The following PRH1 variants were observed in gnomAD, a reference collection of about 807,000 sequenced individuals.
PRH1 encodes proline rich protein HaeIII subfamily 1.
Under a neutral mutation model 7.9 loss-of-function variants are expected in PRH1, and 7 were observed. The observed-to-expected ratio is 0.89, with a 90% CI of 0.50 to 1.67. The LOEUF (loss-of-function observed/expected upper bound fraction) is 1.67, where lower values mean the gene tolerates loss of function less well. Among genes scored for constraint, PRH1 ranks in the 40% most tolerant of loss-of-function variants. The pLI, the probability that PRH1 is intolerant of heterozygous loss-of-function variation, is 0.00. For synonymous variants in PRH1, 45 were observed against 80.8 expected, an observed-to-expected ratio of 0.56 and a Z score of 2.38; for missense variants, 109 against 223.6, an observed-to-expected ratio of 0.49 and a Z score of 3.27.
intron 1 of PRH1, among the ~76,000 whole-genome samples, chr12:10,978,937 A>C (rs977038826): frequency 2.6e-5 from 4 of 151,800 alleles, no homozygotes; most frequent in Admixed American, 1.3e-4. Context: ...ACAAAAACAG[A>C]CTCTGTCAAG....
At chr12:11,109,667 T>G (rs563846121) in intron 1 of PRH1, among the ~76,000 whole-genome samples, 1 of 151,988 alleles carries the variant, frequency 6.6e-6, no homozygotes, top group East Asian at 1.9e-4. Context: ...CATCTGAAGA[T>G]CACCAACATC....
At chr12:10,916,178 C>CTTT (rs1274263706) in intron 2 of PRH1, among the ~76,000 whole-genome samples, 34 of 152,260 alleles carry the variant, frequency 2.2e-4, no homozygotes, top group African/African-American at 7.9e-4. Flanking sequence ...ACCATCAGAT[C>CTTT]TCATGAGAAT....
intron 2 of PRH1, among the ~76,000 whole-genome samples, chr12:10,890,148 G>A (rs1049858868): frequency 1.4e-4 from 21 of 152,112 alleles, no homozygotes; most frequent in African/African-American, 4.6e-4. Context: ...GGGTAGGTTC[G>A]GACATTGGAG....
chr12:11,118,963 C>G (rs1276444321), downstream of PRH1, among the ~76,000 whole-genome samples: 1 of 137,450 alleles, frequency 7.3e-6, no homozygotes, highest in Non-Finnish European at 1.5e-5. Flanking sequence ...CCACTGCACT[C>G]CAGCCTGGAG....
At chr12:10,979,074 G>A (rs2135966176) in intron 1 of PRH1, among the ~76,000 whole-genome samples, 1 of 152,204 alleles carries the variant, frequency 6.6e-6, no homozygotes, top group East Asian at 1.9e-4. Flanking sequence ...CACAAAGAAG[G>A]GAGCTACAGA....
intron 1 of PRH1, chr12:11,062,241 C>T: frequency 6.3e-7 from 1 of 1,582,916 alleles, no homozygotes; most frequent in Non-Finnish European, 8.6e-7. Context: ...AATTTCCAAT[C>T]ACAAATGTAA....
intron 2 of PRH1, among the ~76,000 whole-genome samples, chr12:10,915,247 C>A (rs1949957571): frequency 6.6e-6 from 1 of 152,210 alleles, no homozygotes; most frequent in Non-Finnish European, 1.5e-5. Flanking sequence ...GAAAAAGGTT[C>A]AACTGACAGT....
chr12:11,146,131 A>C (rs150241921), intron 1 of PRH1, among the ~76,000 whole-genome samples: 137 of 152,144 alleles, frequency 9.0e-4, no homozygotes, highest in African/African-American at 3.2e-3. Context: ...CATGTTTCTG[A>C]GCTTTTTACT....
intron 1 of PRH1, among the ~76,000 whole-genome samples, chr12:10,979,982 C>T (rs903758724): frequency 6.6e-6 from 1 of 152,152 alleles, no homozygotes; most frequent in Non-Finnish European, 1.5e-5. Context: ...TCTTGTCAGA[C>T]ATCCAAATGA....
chr12:10,905,461 T>G (rs1949789513), intron 2 of PRH1, among the ~76,000 whole-genome samples: 1 of 151,900 alleles, frequency 6.6e-6, no homozygotes, highest in African/African-American at 2.4e-5. Flanking sequence ...TGGTCAGCAG[T>G]TCAAGACCAG....
At chr12:11,055,785 C>G (rs2597996) in intron 1 of PRH1, among the ~76,000 whole-genome samples, 64,973 of 143,344 alleles carry the variant, frequency 0.45, 14,278 homozygotes, top group Non-Finnish European at 0.52. Context: ...TACATAGATC[C>G]TACATCAGAT....
At chr12:10,975,984 C>T (rs776860049) in intron 1 of PRH1, among the ~76,000 whole-genome samples, 4 of 152,160 alleles carry the variant, frequency 2.6e-5, no homozygotes, top group Non-Finnish European at 5.9e-5. Flanking sequence ...GAGAATTCAA[C>T]ACCCCACAGA....
intron 1 of PRH1, among the ~76,000 whole-genome samples, chr12:11,137,841 T>C (rs921496635): frequency 3.2e-4 from 48 of 152,308 alleles, no homozygotes; most frequent in African/African-American, 1.1e-3. Context: ...GATGTGGATA[T>C]AGATAATGAT....
intron 2 of PRH1, among the ~76,000 whole-genome samples, chr12:10,916,591 A>G (rs1949975538): frequency 6.6e-6 from 1 of 152,124 alleles, no homozygotes; most frequent in African/African-American, 2.4e-5. Context: ...AGTTGGTGGA[A>G]GGAATGGGCT....
chr12:11,104,004 C>A (rs1286926455), intron 1 of PRH1, among the ~76,000 whole-genome samples: 2 of 151,952 alleles, frequency 1.3e-5, no homozygotes, highest in African/African-American at 4.8e-5. Context: ...TGGGCTTGTG[C>A]AACCTAACTA....
intron 1 of PRH1, chr12:11,030,810 C>G: frequency 3.1e-6 from 5 of 1,614,194 alleles, no homozygotes; most frequent in Non-Finnish European, 4.2e-6. Context: ...ACAGTCGCAT[C>G]TGAAAGGTAC....
intron 1 of PRH1, among the ~76,000 whole-genome samples, chr12:11,155,350 G>C (rs1379404838): frequency 1.3e-5 from 2 of 152,266 alleles, no homozygotes; most frequent in African/African-American, 4.8e-5. Context: ...TTTCTCACTT[G>C]AAAACCAGAG....
chr12:11,084,224 C>G (rs1229948873), intron 1 of PRH1, among the ~76,000 whole-genome samples: 1 of 46,098 alleles, frequency 2.2e-5, no homozygotes, highest in Non-Finnish European at 6.5e-5. Context: ...CCTTCTGCAC[C>G]CTTCTGCCAA....
At chr12:11,147,259 C>T (rs373340309) in intron 1 of PRH1, among the ~76,000 whole-genome samples, 3 of 152,108 alleles carry the variant, frequency 2.0e-5, no homozygotes, top group African/African-American at 7.2e-5. Context: ...GGCACGATCT[C>T]GGCTCACTGC....
Sources: allele counts gnomAD v4.1 joint callset (sites outside exome capture counted in the v4.1 genomes callset), GRCh38; gene constraint gnomAD v4.1.1; transcripts MANE v1.5; gene names NCBI Gene and HGNC (gene_info 2026-07-23, HGNC 2026-07-21).